The following RBFOX1 variants were observed in gnomAD, a reference collection of about 807,000 sequenced individuals.
RBFOX1 encodes the protein RNA binding protein fox-1 homolog 1.
Under a neutral mutation model 57.7 loss-of-function variants are expected in RBFOX1, and 8 were observed. The observed-to-expected ratio is 0.14, with a 90% CI of 0.08 to 0.25. The LOEUF (loss-of-function observed/expected upper bound fraction) is 0.25. RBFOX1 is among the 10% of genes least tolerant of loss of function. RBFOX1 has a pLI of 1.00. For missense variants in RBFOX1, 611 were observed against 548.5 expected (o/e 1.11, Z -1.14); for synonymous variants, 326 against 222.4 (o/e 1.47, Z -4.15).
At chr16:7,669,973 T>G (rs1353031670) in intron 13 of RBFOX1, among the ~76,000 whole-genome samples, 4 of 152,134 alleles carry the variant, frequency 2.6e-5, no homozygotes, top group Non-Finnish European at 5.9e-5. Flanking sequence ...TATTACGTCA[T>G]CTCTCCTCAC....
At chr16:7,659,215 T>C (rs1332540797) in intron 12 of RBFOX1, among the ~76,000 whole-genome samples, 1 of 152,178 alleles carries the variant, frequency 6.6e-6, no homozygotes, top group East Asian at 1.9e-4. Flanking sequence ...ATAGGAAAGA[T>C]AGAGCAGTAT....
At chr16:7,375,294 C>T (rs1019989812) in intron 4 of RBFOX1, among the ~76,000 whole-genome samples, 4 of 152,124 alleles carry the variant, frequency 2.6e-5, no homozygotes, top group Non-Finnish European at 4.4e-5. Flanking sequence ...TACTTCTATG[C>T]CATCTTATTA....
chr16:6,373,036 CAGT>C (rs2090680240), intron 2 of RBFOX1, among the ~76,000 whole-genome samples: 1 of 145,956 alleles, frequency 6.9e-6, no homozygotes, highest in African/African-American at 2.6e-5. Context: ...AATGGAGATT[CAGT>C]GGCAGAGTAT....
intron 2 of RBFOX1, among the ~76,000 whole-genome samples, chr16:6,520,379 GGTT>G (rs2096475282): frequency 6.6e-6 from 1 of 152,096 alleles, no homozygotes; most frequent in African/African-American, 2.4e-5. Context: ...GTCCTAATGA[GGTT>G]GTGTTTTAAG....
chr16:6,509,980 C>G (rs988657477), intron 2 of RBFOX1, among the ~76,000 whole-genome samples: 12 of 152,134 alleles, frequency 7.9e-5, no homozygotes, highest in African/African-American at 2.9e-4. Flanking sequence ...AGTTGGCCAA[C>G]CTTAGACAAT....
chr16:7,153,753 A>G (rs1033306846), intron 4 of RBFOX1, among the ~76,000 whole-genome samples: 23 of 151,726 alleles, frequency 1.5e-4, no homozygotes, highest in African/African-American at 5.6e-4. Flanking sequence ...AAGGAAAGAA[A>G]GAAAGGAAAG....
chr16:7,442,585 C>G (rs1287688986), intron 4 of RBFOX1, among the ~76,000 whole-genome samples: 1 of 152,140 alleles, frequency 6.6e-6, no homozygotes, highest in African/African-American at 2.4e-5. Context: ...GTCCCTGCAA[C>G]TAGCTTCAGG....
At chr16:7,416,946 A>G (rs1321617241) in intron 4 of RBFOX1, among the ~76,000 whole-genome samples, 1 of 152,190 alleles carries the variant, frequency 6.6e-6, no homozygotes, top group Non-Finnish European at 1.5e-5. Flanking sequence ...TAGAGAAGTA[A>G]TGTGTCCAAG....
At chr16:6,457,555 C>G (rs957845366) in intron 2 of RBFOX1, among the ~76,000 whole-genome samples, 2 of 151,716 alleles carry the variant, frequency 1.3e-5, no homozygotes, top group African/African-American at 2.4e-5. Flanking sequence ...CATCTGAGCT[C>G]TAGCTCCCAT....
At chr16:7,702,801 T>C (rs2081195949) in intron 14 of RBFOX1, among the ~76,000 whole-genome samples, 1 of 152,186 alleles carries the variant, frequency 6.6e-6, no homozygotes, top group Admixed American at 6.5e-5. Flanking sequence ...TTGGTAATGA[T>C]ACCAGCAACA....
At chr16:7,635,331 T>C (rs530770160) in intron 11 of RBFOX1, among the ~76,000 whole-genome samples, 3 of 152,366 alleles carry the variant, frequency 2.0e-5, no homozygotes, top group Middle Eastern at 3.4e-3. Flanking sequence ...CAGAAGCACG[T>C]AAATGTTTAT....
At chr16:5,403,693 G>A (rs868787442) in intron 1 of RBFOX1, among the ~76,000 whole-genome samples, 1 of 152,200 alleles carries the variant, frequency 6.6e-6, no homozygotes, top group South Asian at 2.1e-4. Context: ...TGATCTGCCC[G>A]CCTCAGCCTC....
At chr16:7,273,192 TC>T (rs2095365957) in intron 4 of RBFOX1, among the ~76,000 whole-genome samples, 2 of 62,438 alleles carry the variant, frequency 3.2e-5, no homozygotes, top group African/African-American at 8.2e-5. Flanking sequence ...CTTCCTCCCT[TC>T]CTTCCTCCCT....
intron 1 of RBFOX1, among the ~76,000 whole-genome samples, chr16:6,076,530 C>T (rs1291373665): frequency 3.9e-5 from 6 of 151,920 alleles, no homozygotes; most frequent in African/African-American, 1.5e-4. Context: ...GACAGTGGTG[C>T]GATCATAGCT....
At chr16:7,590,863 G>GA (rs36061659) in intron 7 of RBFOX1, among the ~76,000 whole-genome samples, 124 of 102,888 alleles carry the variant, frequency 1.2e-3, no homozygotes, top group East Asian at 2.9e-3. Context: ...CTGTCTCTAA[G>GA]AAAAAAAAAA....
chr16:7,672,865 CAAAAAAAAAA>C (rs56693228), intron 13 of RBFOX1, among the ~76,000 whole-genome samples: 3 of 42,890 alleles, frequency 7.0e-5, no homozygotes, highest in Non-Finnish European at 6.9e-5. Flanking sequence ...GACTCCATCT[CAAAAAAAAAA>C]AAAAAAAAAA....
chr16:6,667,865 G>A (rs1442870438), intron 3 of RBFOX1, among the ~76,000 whole-genome samples: 1 of 151,730 alleles, frequency 6.6e-6, no homozygotes, highest in Non-Finnish European at 1.5e-5. Context: ...CTCCAGCCTG[G>A]GTGACAGAGC....
At chr16:7,364,469 G>C (rs999284268) in intron 4 of RBFOX1, among the ~76,000 whole-genome samples, 4 of 151,498 alleles carry the variant, frequency 2.6e-5, no homozygotes, top group Admixed American at 6.6e-5. Flanking sequence ...GCAGTATCAG[G>C]TTGGGTTGCT....
intron 2 of RBFOX1, among the ~76,000 whole-genome samples, chr16:6,604,261 C>G (rs557531597): frequency 6.6e-6 from 1 of 151,988 alleles, no homozygotes; most frequent in Admixed American, 6.5e-5. Flanking sequence ...TCAAAGCCAT[C>G]AAAATGGCTA....
Sources: allele counts gnomAD v4.1 joint callset (sites outside exome capture counted in the v4.1 genomes callset), GRCh38; gene constraint gnomAD v4.1.1; transcripts MANE v1.5; gene names NCBI Gene and HGNC (gene_info 2026-07-23, HGNC 2026-07-21).